Variants in PTPRD observed in about 807,000 individuals in gnomAD.
The protein encoded by PTPRD is receptor-type tyrosine-protein phosphatase delta.
In PTPRD, 34 loss-of-function variants were observed where a neutral mutation model predicts 214.5. The ratio of observed to expected loss-of-function variants is 0.16; its 90% CI spans 0.12 to 0.21. The LOEUF (loss-of-function observed/expected upper bound fraction) is 0.21. Ranked by LOEUF, PTPRD falls within the 10% of genes least tolerant of loss-of-function variation. The probability of loss-of-function intolerance (pLI) is 1.00; values close to 1 mark genes in which losing one functional copy is unlikely to be tolerated. For missense variants in PTPRD, 2,545 were observed against 2,398.7 expected, an observed-to-expected ratio of 1.06 and a Z score of -1.27; for synonymous variants, 1,128 against 845.7, an observed-to-expected ratio of 1.33 and a Z score of -5.79.
chr9:10,371,351 G>A (rs1441269789), intron 2 of PTPRD, among the ~76,000 whole-genome samples: 1 of 151,998 alleles, frequency 6.6e-6, no homozygotes, highest in African/African-American at 2.4e-5. Flanking sequence ...GAGTTGAACT[G>A]CATATTAGTA....
intron 2 of PTPRD, among the ~76,000 whole-genome samples, chr9:10,385,069 C>T (rs937592541): frequency 6.6e-6 from 1 of 151,782 alleles, no homozygotes; most frequent in East Asian, 1.9e-4. Flanking sequence ...GGTTATTTTT[C>T]AATTTGGATT....
At chr9:10,084,983 T>G (rs2154192850) in intron 3 of PTPRD, among the ~76,000 whole-genome samples, 1 of 152,058 alleles carries the variant, frequency 6.6e-6, no homozygotes, top group East Asian at 1.9e-4. Context: ...AACCATATCA[T>G]GATTTGAAGT....
intron 7 of PTPRD, among the ~76,000 whole-genome samples, chr9:9,708,102 T>C (rs1233179376): frequency 6.6e-6 from 1 of 152,120 alleles, no homozygotes; most frequent in African/African-American, 2.4e-5. Flanking sequence ...GCACCAATAA[T>C]GGTACAGATT....
intron 4 of PTPRD, among the ~76,000 whole-genome samples, chr9:9,964,647 A>C (rs538918969): frequency 6.6e-6 from 1 of 152,192 alleles, no homozygotes; most frequent in Non-Finnish European, 1.5e-5. Context: ...TAAAGTTTTT[A>C]AAAAATGTTT....
chr9:9,208,177 G>C (rs371955706), intron 9 of PTPRD, among the ~76,000 whole-genome samples: 1 of 151,550 alleles, frequency 6.6e-6, no homozygotes, highest in East Asian at 2.0e-4. Flanking sequence ...ACCACGCCCG[G>C]CTAATTTTTT....
intron 10 of PTPRD, among the ~76,000 whole-genome samples, chr9:9,099,437 T>C (rs2099788264): frequency 6.6e-6 from 1 of 152,152 alleles, no homozygotes; most frequent in South Asian, 2.1e-4. Flanking sequence ...GTGGACTGTA[T>C]CAGTCTTAGG....
intron 3 of PTPRD, among the ~76,000 whole-genome samples, chr9:10,261,029 T>TG (rs1309038687): frequency 9.0e-6 from 1 of 110,938 alleles, no homozygotes; most frequent in African/African-American, 3.3e-5. Flanking sequence ...TGTATATATA[T>TG]TATATATGTG....
chr9:9,262,461 G>C (rs968152976), intron 9 of PTPRD, among the ~76,000 whole-genome samples: 1 of 150,520 alleles, frequency 6.6e-6, no homozygotes, highest in Non-Finnish European at 1.5e-5. Flanking sequence ...TCTCAATTTG[G>C]ACCAGTCACA....
At chr9:10,009,280 A>T (rs1443584068) in intron 4 of PTPRD, among the ~76,000 whole-genome samples, 3 of 151,972 alleles carry the variant, frequency 2.0e-5, no homozygotes, top group South Asian at 2.1e-4. Context: ...CTCAAAGTAC[A>T]GTCTCAAGAG....
At chr9:9,009,933 G>A (rs1458484376) in intron 11 of PTPRD, among the ~76,000 whole-genome samples, 1 of 151,982 alleles carries the variant, frequency 6.6e-6, no homozygotes, top group Non-Finnish European at 1.5e-5. Context: ...CTCTACGGAG[G>A]GATCCTGAGT....
chr9:8,760,544 T>G (rs1340074394), intron 11 of PTPRD, among the ~76,000 whole-genome samples: 3 of 152,070 alleles, frequency 2.0e-5, no homozygotes, highest in African/African-American at 7.2e-5. Flanking sequence ...TTACAAAATG[T>G]GGAAATGGAG....
intron 36 of PTPRD, among the ~76,000 whole-genome samples, chr9:8,394,648 G>C (rs1288395987): frequency 6.6e-6 from 1 of 152,072 alleles, no homozygotes; most frequent in African/African-American, 2.4e-5. Context: ...CTAAAATAAG[G>C]TGTCTGTCTG....
At chr9:9,834,122 T>G (rs912704547) in intron 5 of PTPRD, among the ~76,000 whole-genome samples, 1 of 152,112 alleles carries the variant, frequency 6.6e-6, no homozygotes, top group South Asian at 2.1e-4. Context: ...GCATAAGAAA[T>G]TACAAAAGTA....
chr9:9,519,794 C>T (rs576909787), intron 8 of PTPRD, among the ~76,000 whole-genome samples: 108 of 152,094 alleles, frequency 7.1e-4, no homozygotes, highest in African/African-American at 2.4e-3. Context: ...TTGTTCTATA[C>T]ATTCAACAAA....
intron 12 of PTPRD, among the ~76,000 whole-genome samples, chr9:8,655,053 G>C (rs1382764552): frequency 1.3e-5 from 2 of 151,912 alleles, no homozygotes; most frequent in Non-Finnish European, 2.9e-5. Context: ...AATGTAATTG[G>C]AATTAGATTA....
chr9:10,190,386 G>GA lies in PTPRD; in HGVS notation c.-545+150576dup, dbSNP rs66511711. 1.7e-3 allele frequency among the ~76,000 whole-genome samples: 84 copies of GA among 50,142 alleles called. 3 individuals carry two copies. The highest frequency in any genetic ancestry group is 6.3e-3 in the Admixed American group (18 of 2,838). 32.9% of individuals were successfully genotyped at this position (50,142 alleles called of 152,430 possible). A position where few individuals can be genotyped will look rare whatever the true frequency, so the allele number is the denominator to read the frequency against. On this transcript the variant is annotated intron_variant, in intron 3 of 45. Coordinates refer to ENST00000381196, the MANE Select transcript of PTPRD (RefSeq NM_002839.4). ...CTGGGCGTCAGAGACTCTATCTCCA[G>GA]AAAAAAAAAAAAAAAAAAAAAAAAA...
At chr9:9,607,082 G>C (rs1370190214) in intron 7 of PTPRD, among the ~76,000 whole-genome samples, 1 of 147,788 alleles carries the variant, frequency 6.8e-6, no homozygotes, top group African/African-American at 2.5e-5. Context: ...CACAAAGCAC[G>C]TGGCCTGTAA....
At position 9,991,994 on chromosome 9, in the gene PTPRD, C is replaced by T. The variant is rs144674056; in HGVS notation, c.-472+41724G>A. Among the ~76,000 whole-genome samples, 64 of 152,142 alleles carry T rather than the reference C, an allele frequency of 4.2e-4. No individual in the cohort carries two copies. The East Asian group carries it at 4.2e-3, about 10-fold the overall frequency. On this transcript the variant is annotated intron_variant, in intron 4 of 45. Coordinates refer to ENST00000381196, the MANE Select transcript of PTPRD (RefSeq NM_002839.4). ...AACATAACGAACCTCAAAAACATTA[C>T]GCTAAATGAAAGGAGTCAGTCATTA...
Position 10,115,375 on chromosome 9 carries a change from T to G in PTPRD, c.-544-81585A>C, listed in dbSNP as rs1273871404. ...AGTGCATTCTGGCACATTCTGAGAG[T>G]GAATTGTTTCAATGTAGTCTATAAA... On this transcript the variant is annotated intron_variant, in intron 3 of 45. Coordinates refer to ENST00000381196, the MANE Select transcript of PTPRD (RefSeq NM_002839.4). Among the ~76,000 whole-genome samples, 3 of 152,058 alleles carry G rather than the reference T, an allele frequency of 2.0e-5. No individual in the cohort carries two copies. The East Asian group carries it at 5.8e-4, about 29-fold the overall frequency.
Sources: allele counts gnomAD v4.1 joint callset (sites outside exome capture counted in the v4.1 genomes callset), GRCh38; gene constraint gnomAD v4.1.1; transcripts MANE v1.5; gene names NCBI Gene and HGNC (gene_info 2026-07-23, HGNC 2026-07-21).